The following NCOA1 variants were observed in gnomAD, a reference collection of about 807,000 sequenced individuals.
NCOA1 encodes nuclear receptor coactivator 1.
NCOA1 carries 35 observed loss-of-function variants against 150.9 expected under a neutral mutation model. The observed-to-expected ratio is 0.23, with a 90% CI of 0.18 to 0.31. The LOEUF (loss-of-function observed/expected upper bound fraction) is 0.31. NCOA1 is among the 10% of genes least tolerant of loss of function. The pLI, the probability that NCOA1 is intolerant of heterozygous loss-of-function variation, is 1.00. For synonymous variants in NCOA1, 590 were observed against 630.0 expected, an observed-to-expected ratio of 0.94 and a Z score of 0.95; for missense variants, 1,491 against 1,749.3, an observed-to-expected ratio of 0.85 and a Z score of 2.63.
chr2:24,746,768 A>C (rs1663941652), intron 19 of NCOA1, among the ~76,000 whole-genome samples: 1 of 152,178 alleles, frequency 6.6e-6, no homozygotes, highest in African/African-American at 2.4e-5. Flanking sequence ...ACTCTCTATG[A>C]TACTATAATG....
chr2:24,537,239 T>TACATAC (rs1553425351), intron 1 of NCOA1, among the ~76,000 whole-genome samples: 1 of 148,668 alleles, frequency 6.7e-6, no homozygotes, highest in Non-Finnish European at 1.5e-5. Flanking sequence ...CTGTGATACA[T>TACATAC]ACACACACAC....
At chr2:24,586,636 G>A (rs1228099680) in intron 3 of NCOA1, among the ~76,000 whole-genome samples, 2 of 152,062 alleles carry the variant, frequency 1.3e-5, no homozygotes, top group Non-Finnish European at 2.9e-5. Context: ...TTTTGTTTTT[G>A]TATAGACAGG....
Position 24,705,164 on chromosome 2 carries a change from A to G in NCOA1, c.1028A>G (p.Lys343Arg), listed in dbSNP as rs1673356500. 6 of 1,614,000 alleles carry G rather than the reference A, an allele frequency of 3.7e-6. No individual in the cohort carries two copies. Among genetic ancestry groups the G allele is most frequent in the South Asian group, 1.1e-5 (1 of 91,082 alleles). Residue 343 changes from lysine (K) to arginine (R), a missense_variant, in exon 12 of 23, where the codon AAG (lysine) becomes AGG (arginine). Transcript: ENST00000348332. ...GGGACAATGCTTAGCGCCCACACCA[A>G]GTGTAAACTTTGCTACCCTCAAAGT... The part of the protein sequence containing the change: ...NDGTMLSAHT[K>R]CKLCYPQSPD...
chr2:24,625,395 A>G (rs556348917), intron 3 of NCOA1, among the ~76,000 whole-genome samples: 1 of 151,660 alleles, frequency 6.6e-6, no homozygotes, highest in South Asian at 2.1e-4. Flanking sequence ...AGTTGAAGGA[A>G]AGGTGAGAAT....
intron 2 of NCOA1, among the ~76,000 whole-genome samples, chr2:24,573,546 C>G (rs1390194557): frequency 6.6e-6 from 1 of 151,998 alleles, no homozygotes; most frequent in Non-Finnish European, 1.5e-5. Context: ...AGTGTAAAAC[C>G]TGCATTGATG....
chr2:24,690,314 G>C (rs1442699946), intron 8 of NCOA1, among the ~76,000 whole-genome samples: 1 of 152,056 alleles, frequency 6.6e-6, no homozygotes, highest in African/African-American at 2.4e-5. Context: ...AAAAAGGAAG[G>C]AGGGTCATTG....
chr2:24,603,186 AT>A (rs36120504), intron 3 of NCOA1, among the ~76,000 whole-genome samples: 77,801 of 151,900 alleles, frequency 0.51, 21,516 homozygotes, highest in Admixed American at 0.67. Context: ...GTCTAAAAAA[AT>A]ATATATACCT....
rs185857441 is a variant in NCOA1, at chr2:24,573,562, G to T, written c.-260+9132G>T. On this transcript the variant is annotated intron_variant, in intron 2 of 22. Coordinates refer to ENST00000348332, the MANE Select transcript of NCOA1 (RefSeq NM_003743.5). ...GTGTAAAACCTGCATTGATGATTTGGGGTTTATTTAGTTATTTATGAAGCT... is the reference window on the plus strand; with the variant it reads ...GTGTAAAACCTGCATTGATGATTTGTGGTTTATTTAGTTATTTATGAAGCT... Among the ~76,000 whole-genome samples, 333 of 152,010 alleles carry T rather than the reference G, an allele frequency of 2.2e-3. 1 individual carries two copies. Among genetic ancestry groups the T allele is most frequent in the Non-Finnish European group, 3.7e-3 (249 of 67,896 alleles).
intron 1 of NCOA1, among the ~76,000 whole-genome samples, chr2:24,518,905 CTGTG>C (rs1664311029): frequency 6.6e-6 from 1 of 152,154 alleles, no homozygotes; most frequent in Admixed American, 6.5e-5. Context: ...CCCAAGTGTT[CTGTG>C]TGTACTATGC....
chr2:24,524,546 C>T (rs1042256906), intron 1 of NCOA1, among the ~76,000 whole-genome samples: 6 of 152,040 alleles, frequency 3.9e-5, no homozygotes, highest in African/African-American at 9.7e-5. Flanking sequence ...CCTCATGCCT[C>T]GGCCTCCCAA....
Position 24,758,056 on chromosome 2 carries a change from C to A in NCOA1, c.3965C>A (p.Ala1322Glu). 2 of 1,614,120 alleles carry A rather than the reference C, an allele frequency of 1.2e-6. No individual in the cohort carries two copies. Among genetic ancestry groups the A allele is most frequent in the Non-Finnish European group, 1.7e-6 (2 of 1,180,036 alleles). Residue 1322 changes from alanine (A) to glutamate (E), a missense_variant, in exon 21 of 23, where the codon GCA becomes GAA. Transcript: ENST00000348332. ...YNNMSITVSM[A>E]GGNTNVQNMN... ...AACATGAGCATCACCGTTTCCATGG[C>A]AGGTGGAAATACGAATGTTCAGAAC...
chr2:24,569,552 A>ATTTTTTTTTT (rs200639064), intron 2 of NCOA1, among the ~76,000 whole-genome samples: 16 of 93,794 alleles, frequency 1.7e-4, no homozygotes, highest in African/African-American at 2.4e-4. Context: ...GGTTTTATTA[A>ATTTTTTTTTT]TTTTTTTTTT....
rs754293265 is a variant in NCOA1 at position 24,751,988 on chromosome 2, T to C, written c.3713T>C (p.Val1238Ala). 1 of 1,608,226 alleles carries C rather than the reference T, an allele frequency of 6.2e-7. No individual in the cohort carries two copies. The highest frequency in any genetic ancestry group is 8.5e-7 in the Non-Finnish European group (1 of 1,177,958). The change falls in exon 20 of 23, where the codon GTT (valine) becomes GCT (alanine). Residue 1238 changes from valine to alanine, a missense_variant. Around this residue, in one of 8 missense-constraint regions of NCOA1, gnomAD observed 485 missense variants for 522.8 expected, o/e 0.93. Transcript: ENST00000348332. ...AATTTGTGTCAATTTACAGGAATGGTTCCCCAAGGTGAGGCCAACTTTGCT... is the reference window on the plus strand; with the variant it reads ...AATTTGTGTCAATTTACAGGAATGGCTCCCCAAGGTGAGGCCAACTTTGCT... ...NVFQYPGAGM[V>A]PQGEANFAPS...
At chr2:24,531,638 G>A (rs900266884) in intron 1 of NCOA1, among the ~76,000 whole-genome samples, 1 of 152,120 alleles carries the variant, frequency 6.6e-6, no homozygotes, top group South Asian at 2.1e-4. Flanking sequence ...CCCGGTGTGT[G>A]ATGTGTCCTG....
At chr2:24,575,493 G>T (rs1479580372) in intron 2 of NCOA1, among the ~76,000 whole-genome samples, 1 of 151,544 alleles carries the variant, frequency 6.6e-6, no homozygotes, top group Non-Finnish European at 1.5e-5. Flanking sequence ...TACATGTCTG[G>T]TAAATTTTGA....
intron 2 of NCOA1, among the ~76,000 whole-genome samples, chr2:24,566,200 G>A (rs1666498793): frequency 6.6e-6 from 1 of 152,190 alleles, no homozygotes; most frequent in Non-Finnish European, 1.5e-5. Flanking sequence ...ACACCTCAGA[G>A]GAGACTTGCA....
intron 1 of NCOA1, among the ~76,000 whole-genome samples, chr2:24,549,120 A>G (rs185637999): frequency 2.0e-5 from 3 of 152,286 alleles, no homozygotes; most frequent in Non-Finnish European, 4.4e-5. Context: ...AGGTGTTTCC[A>G]TACATCTTCT....
intron 3 of NCOA1, among the ~76,000 whole-genome samples, chr2:24,613,454 C>G (rs533335009): frequency 1.3e-5 from 2 of 152,300 alleles, no homozygotes; most frequent in East Asian, 3.9e-4. Flanking sequence ...GGCACAATCA[C>G]TAACACTGAG....
At chr2:24,560,003 G>A (rs1666232691) in intron 1 of NCOA1, among the ~76,000 whole-genome samples, 1 of 152,104 alleles carries the variant, frequency 6.6e-6, no homozygotes, top group Non-Finnish European at 1.5e-5. Flanking sequence ...TGGGGAATCA[G>A]GCTTCAGCCT....
Sources: allele counts gnomAD v4.1 joint callset (sites outside exome capture counted in the v4.1 genomes callset), GRCh38; gene constraint gnomAD v4.1.1; regional missense constraint gnomAD v4.1.1; transcripts MANE v1.5; gene names NCBI Gene and HGNC (gene_info 2026-07-23, HGNC 2026-07-21).